Variants in TLL2 observed in about 807,000 individuals in gnomAD.
TLL2 encodes the protein tolloid like 2, also known as tolloid-like protein 2.
A neutral mutation model predicts 123.0 loss-of-function variants in TLL2; 106 were observed. That is an observed-to-expected ratio of 0.86 (90% CI 0.74 to 1.01). The LOEUF (loss-of-function observed/expected upper bound fraction) is 1.01, where lower values mean the gene tolerates loss of function less well. Ranked by LOEUF, TLL2 falls within the 50% of genes least tolerant of loss-of-function variation. The probability of loss-of-function intolerance (pLI) is 0.00; values close to 1 mark genes in which losing one functional copy is unlikely to be tolerated. For missense variants in TLL2, 1,332 were observed against 1,336.7 expected (o/e 1.00, Z 0.06); for synonymous variants, 494 against 516.8 (o/e 0.96, Z 0.60).
chr10:96,393,061 G>A (rs1047222911), intron 13 of TLL2, among the ~76,000 whole-genome samples: 1 of 152,200 alleles, frequency 6.6e-6, no homozygotes, highest in Admixed American at 6.5e-5. Flanking sequence ...AGGGGACCAT[G>A]AGCCAAGGAA....
chr10:96,439,804 C>T (rs1308100458), intron 3 of TLL2, among the ~76,000 whole-genome samples: 1 of 152,198 alleles, frequency 6.6e-6, no homozygotes, highest in Non-Finnish European at 1.5e-5. Context: ...AAGTCATACA[C>T]TTGCAGTGCT....
chr10:96,472,777 C>T (rs1485008918), intron 2 of TLL2, among the ~76,000 whole-genome samples: 1 of 151,966 alleles, frequency 6.6e-6, no homozygotes, highest in Non-Finnish European at 1.5e-5. Context: ...GAAAAAAAAG[C>T]TTCAAAGTTA....
intron 3 of TLL2, among the ~76,000 whole-genome samples, chr10:96,433,789 T>C (rs746943379): frequency 2.0e-5 from 3 of 152,220 alleles, no homozygotes; most frequent in Non-Finnish European, 2.9e-5. Flanking sequence ...TGTTTGTTTG[T>C]TTGTTTATTG....
rs571031578 is a variant in TLL2 at position 96,365,003 on chromosome 10, G to A, written c.*3085C>T. The A allele has an allele frequency of 1.0e-3, 155 of 152,282 alleles. No homozygotes were observed. The highest frequency in any genetic ancestry group is 3.6e-3 in the African/African-American group (149 of 41,550). The allele number at this position is 152,282 out of a possible 1,614,324, so 9.4% of individuals were successfully genotyped here. A position where few individuals can be genotyped will look rare whatever the true frequency, so the allele number is the denominator to read the frequency against. ...CAGCTGAGCAATTCATGAGTGATAT[G>A]AAACTTTACAGCAGGGGTGTCCCAT... On this transcript the variant is annotated 3_prime_UTR_variant, in exon 21 of 21. Transcript: ENST00000357947.
chr10:96,454,348 A>T (rs989712980), intron 2 of TLL2, among the ~76,000 whole-genome samples: 1 of 152,158 alleles, frequency 6.6e-6, no homozygotes. Context: ...GAAGTCTCAG[A>T]ATTTGCTCCT....
intron 14 of TLL2, among the ~76,000 whole-genome samples, 165 bp downstream of exon 14, chr10:96,386,788 G>A (rs1417108769): frequency 2.0e-5 from 3 of 152,226 alleles, no homozygotes; most frequent in South Asian, 4.1e-4. Context: ...ATTTGTGACA[G>A]CTGTCAGGCT....
chr10:96,421,737 T>C (rs1846626107), intron 6 of TLL2, among the ~76,000 whole-genome samples: 1 of 151,386 alleles, frequency 6.6e-6, no homozygotes, highest in African/African-American at 2.4e-5. Flanking sequence ...CTTAGGAGGC[T>C]GAGGCAGGAG....
intron 7 of TLL2, 100 bp from the exon 8 acceptor site, chr10:96,413,416 C>T: frequency 7.0e-7 from 1 of 1,438,550 alleles, no homozygotes; most frequent in Non-Finnish European, 9.3e-7. Flanking sequence ...ACCCCATCAA[C>T]ATTCCTGCCC....
chr10:96,413,346 A>G (rs757929362), intron 7 of TLL2, 30 bp from the exon 8 acceptor site: 4 of 1,606,954 alleles, frequency 2.5e-6, no homozygotes, highest in Non-Finnish European at 3.4e-6. Flanking sequence ...CAGAAAAAGA[A>G]AAGTCAAGGC....
At chr10:96,403,583 G>A (rs555617502) in intron 10 of TLL2, among the ~76,000 whole-genome samples, 17 of 152,286 alleles carry the variant, frequency 1.1e-4, no homozygotes, top group South Asian at 2.1e-4. Context: ...CAAGGGCACA[G>A]TGCACCTCTG....
chr10:96,498,704 G>C (rs1342642839), intron 1 of TLL2, among the ~76,000 whole-genome samples: 1 of 152,198 alleles, frequency 6.6e-6, no homozygotes, highest in East Asian at 1.9e-4. Flanking sequence ...CCAAGAAGCT[G>C]GTTCTCACAC....
chr10:96,472,379 T>C (rs1037363485), intron 2 of TLL2, among the ~76,000 whole-genome samples: 2 of 152,066 alleles, frequency 1.3e-5, no homozygotes, highest in African/African-American at 4.8e-5. Context: ...ACTAGTGAAA[T>C]GAGGAAGCCA....
Position 96,418,934 on chromosome 10 carries a change from C to A in TLL2, c.923+2022G>T, listed in dbSNP as rs566661601. On this transcript the variant is annotated intron_variant, in intron 7 of 20. Transcript: ENST00000357947. ...ACAGAAACAAGACCCAAGGAAAAAG[C>A]TTCTCCCTTGGGCCAACTTGACATA... 2.9e-4 allele frequency among the ~76,000 whole-genome samples: 44 copies of A among 151,794 alleles called. 1 individual carries two copies. The East Asian group carries it at 8.5e-3, about 29-fold the overall frequency.
intron 14 of TLL2, 107 bp from the exon 15 acceptor site, chr10:96,386,322 G>A: frequency 4.1e-6 from 5 of 1,219,546 alleles, no homozygotes; most frequent in Non-Finnish European, 5.6e-6. Flanking sequence ...ATTTTAAAAT[G>A]TTAGACAATT....
At chr10:96,396,718 C>T (rs76583806) in intron 11 of TLL2, among the ~76,000 whole-genome samples, 2,260 of 151,980 alleles carry the variant, frequency 0.015, 25 homozygotes, top group Admixed American at 0.024. Context: ...TCCCTCTACT[C>T]AGCCACCAGG....
intron 10 of TLL2, among the ~76,000 whole-genome samples, chr10:96,404,193 C>T (rs1395183400): frequency 2.0e-5 from 3 of 152,164 alleles, no homozygotes; most frequent in Admixed American, 1.3e-4. Context: ...GTCTCTGTGT[C>T]TTATTTCTTT....
chr10:96,375,531 C>A (rs1271398294), intron 18 of TLL2, among the ~76,000 whole-genome samples: 1 of 152,096 alleles, frequency 6.6e-6, no homozygotes, highest in Non-Finnish European at 1.5e-5. Flanking sequence ...AGAAGCAGTG[C>A]CTTTCCCTAA....
intron 1 of TLL2, among the ~76,000 whole-genome samples, chr10:96,483,206 G>A (rs1001460776): frequency 2.6e-5 from 4 of 152,188 alleles, no homozygotes; most frequent in East Asian, 3.9e-4. Context: ...GGCTGAAAAA[G>A]CTGCCCCCAT....
chr10:96,488,008 C>A (rs1385403502), intron 1 of TLL2, among the ~76,000 whole-genome samples: 1 of 152,202 alleles, frequency 6.6e-6, no homozygotes, highest in South Asian at 2.1e-4. Flanking sequence ...GCCTGGGAAG[C>A]CTTGGACAAA....
Sources: allele counts gnomAD v4.1 joint callset (sites outside exome capture counted in the v4.1 genomes callset), GRCh38; gene constraint gnomAD v4.1.1; transcripts MANE v1.5; gene names NCBI Gene and HGNC (gene_info 2026-07-23, HGNC 2026-07-21).